FRYL: variants seen among roughly 807,000 people sequenced by gnomAD.
The protein encoded by FRYL is FRY like transcription coactivator.
A neutral mutation model predicts 351.2 loss-of-function variants in FRYL; 150 were observed. The ratio of observed to expected loss-of-function variants is 0.43; its 90% CI spans 0.37 to 0.49. The LOEUF (loss-of-function observed/expected upper bound fraction) is 0.49. Among genes scored for constraint, FRYL ranks in the 20% least tolerant of loss-of-function variants. FRYL has a pLI of 0.00. For synonymous variants in FRYL, 1,153 were observed against 1,257.1 expected (o/e 0.92, Z 1.75); for missense variants, 3,036 against 3,619.3 (o/e 0.84, Z 4.13).
chr4:48,686,448 C>T (rs1765159131), intron 2 of FRYL, among the ~76,000 whole-genome samples: 1 of 152,136 alleles, frequency 6.6e-6, no homozygotes, highest in Non-Finnish European at 1.5e-5. Context: ...AGTTAACAAT[C>T]CTGCCATAAT....
At chr4:48,630,343 G>C in intron 4 of FRYL, among the ~76,000 whole-genome samples, 1 of 152,036 alleles carries the variant, frequency 6.6e-6, no homozygotes, top group Non-Finnish European at 1.5e-5. Context: ...GACCATACAG[G>C]GAGAAGAAAC....
At chr4:48,717,395 G>A (rs1485845076) in intron 1 of FRYL, among the ~76,000 whole-genome samples, 4 of 151,616 alleles carry the variant, frequency 2.6e-5, no homozygotes, top group African/African-American at 7.3e-5. Context: ...GAGAAACCAC[G>A]TAAGTGGTTG....
intron 3 of FRYL, among the ~76,000 whole-genome samples, chr4:48,649,861 A>G (rs1488168794): frequency 1.3e-5 from 2 of 152,208 alleles, no homozygotes; most frequent in Admixed American, 1.3e-4. Context: ...TAACATTAAT[A>G]CAAAGCACGC....
chr4:48,654,047 A>T, intron 3 of FRYL: 1 of 548,416 alleles, frequency 1.8e-6, no homozygotes. Flanking sequence ...AGTGCCCAGA[A>T]GGACACCCTC....
intron 16 of FRYL, among the ~76,000 whole-genome samples, chr4:48,593,697 T>A (rs1744013081): frequency 6.6e-6 from 1 of 152,046 alleles, no homozygotes; most frequent in African/African-American, 2.4e-5. Flanking sequence ...TAAACACCAT[T>A]ATTTCACTCC....
At chr4:48,546,357 T>G (rs1731328786) in intron 41 of FRYL, 86 bp from the exon 42 acceptor site, 2 of 1,044,952 alleles carry the variant, frequency 1.9e-6, no homozygotes, top group Admixed American at 2.1e-5. Flanking sequence ...TTCCTTAGAC[T>G]CTATGGGACA....
At chr4:48,753,108 G>A (rs906571830) in intron 1 of FRYL, among the ~76,000 whole-genome samples, 1 of 152,134 alleles carries the variant, frequency 6.6e-6, no homozygotes, top group Non-Finnish European at 1.5e-5. Flanking sequence ...GGATTGCAGG[G>A]AAAGAAAATC....
rs780894705 is a variant in FRYL, at chr4:48,704,949, CAAAAAAA to C, written c.-204+5563_-204+5569del. On this transcript the variant is annotated intron_variant, in intron 2 of 63. Coordinates refer to ENST00000358350, the MANE Select transcript of FRYL (RefSeq NM_015030.2). Reference sequence around the variant, plus strand: ...GGGCAACAAGAGCGAGACTCCGTCTCAAAAAAAAAAAAAAAAAAAAAATTAGCCAGGC... The same window carrying C: ...GGGCAACAAGAGCGAGACTCCGTCTCAAAAAAAAAAAAAAATTAGCCAGGC... Among the ~76,000 whole-genome samples the C allele has an allele frequency of 2.8e-4, 14 of 50,726 alleles. No individual in the cohort carries two copies. The South Asian group carries it at 8.4e-3, about 30-fold the overall frequency. The allele number at this position is 50,726 out of a possible 152,430, so 33.3% of individuals were successfully genotyped here.
At chr4:48,691,643 A>G (rs138022555) in intron 2 of FRYL, among the ~76,000 whole-genome samples, 1 of 152,328 alleles carries the variant, frequency 6.6e-6, no homozygotes, top group East Asian at 1.9e-4. Context: ...AATAATGGTA[A>G]TATTTATTAA....
At chr4:48,747,280 A>G (rs1183948828) in intron 1 of FRYL, among the ~76,000 whole-genome samples, 2 of 152,192 alleles carry the variant, frequency 1.3e-5, no homozygotes, top group Non-Finnish European at 2.9e-5. Flanking sequence ...AAAGTGAGTG[A>G]TAAGGGGAAA....
Position 48,605,811 on chromosome 4 carries a change from TC to T in FRYL, c.763del (p.Glu255LysfsTer2). 1 of 1,601,728 alleles carries T rather than the reference TC, an allele frequency of 6.2e-7. No individual in the cohort carries two copies. The highest frequency in any genetic ancestry group is 8.6e-7 in the Non-Finnish European group (1 of 1,169,506). ...FMQECAQYFL[E>X]VKDKDIKHAL... is the part of the protein sequence containing the mutation. ...ATGTTTTATATCTTTATCTTTCACT[TC>T]TAAGAAATACTGAGCACATTCCTTA... On this transcript the variant is annotated frameshift_variant, in exon 11 of 64. Coordinates refer to ENST00000358350, the MANE Select transcript of FRYL (RefSeq NM_015030.2). LOFTEE classifies it high-confidence loss of function.
chr4:48,596,075 C>A, intron 13 of FRYL, 75 bp from the exon 14 acceptor site: 1 of 931,572 alleles, frequency 1.1e-6, no homozygotes, highest in African/African-American at 1.7e-5. Context: ...TCTCTGTCAA[C>A]AACTAAAAGC....
intron 1 of FRYL, among the ~76,000 whole-genome samples, chr4:48,711,114 T>G (rs1486623653): frequency 6.6e-6 from 1 of 152,130 alleles, no homozygotes; most frequent in Non-Finnish European, 1.5e-5. Context: ...ACAGCTCCGG[T>G]CTACAGCTCC....
rs375347641 is a variant in FRYL at position 48,540,621 on chromosome 4, A to T, written c.6027T>A (p.Ser2009=). ...CATATTCATAATCTGATTCTAATAA[A>T]GATGCTGCTATCCAAAAAATGGTGG... ...LMATIFWIAA[S]LLESDYEYEY... The change falls in exon 46 of 64, where the codon TCT becomes TCA. Residue 2009 remains serine, a synonymous_variant. Coordinates refer to ENST00000358350, the MANE Select transcript of FRYL (RefSeq NM_015030.2). 3 of 1,613,828 alleles carry T rather than the reference A, an allele frequency of 1.9e-6. No individual in the cohort carries two copies. Among genetic ancestry groups the T allele is most frequent in the Admixed American group, 1.7e-5 (1 of 59,962 alleles).
intron 3 of FRYL, among the ~76,000 whole-genome samples, chr4:48,647,767 G>A (rs1188601544): frequency 1.3e-5 from 2 of 152,114 alleles, no homozygotes; most frequent in Non-Finnish European, 2.9e-5. Context: ...AATTCACGTT[G>A]TTTACTTAAT....
Position 48,518,184 on chromosome 4 carries a change from G to C in FRYL, c.7689+2864C>G, listed in dbSNP as rs569179385. 2.6e-5 allele frequency among the ~76,000 whole-genome samples: 4 copies of C among 151,976 alleles called. No individual in the cohort carries two copies. In the South Asian group the frequency reaches 8.3e-4, roughly 32 times the overall value. On this transcript the variant is annotated intron_variant, in intron 55 of 63. Coordinates refer to ENST00000358350, the MANE Select transcript of FRYL (RefSeq NM_015030.2). ...TGTTACGGTGTATGGTGTGATCTAT[G>C]GTGTGATCCAAACTAGGCACTGTAG...
chr4:48,724,802 T>G (rs147467578), intron 1 of FRYL, among the ~76,000 whole-genome samples: 7 of 152,326 alleles, frequency 4.6e-5, no homozygotes, highest in African/African-American at 1.4e-4. Flanking sequence ...TAGAGTAGGG[T>G]AGAATAATAG....
intron 3 of FRYL, among the ~76,000 whole-genome samples, chr4:48,684,323 C>T (rs1764949103): frequency 6.6e-6 from 1 of 152,176 alleles, no homozygotes. Context: ...GCCTGCACTG[C>T]AGTTCAATTT....
At chr4:48,565,085 A>G in intron 29 of FRYL, 42 bp from the exon 30 acceptor site, 1 of 1,178,220 alleles carries the variant, frequency 8.5e-7, no homozygotes. Flanking sequence ...CAAATTTAAG[A>G]GGTTAAATGT....
Sources: gnomAD v4.1 joint callset for allele counts (sites outside exome capture counted in the v4.1 genomes callset) on GRCh38, gnomAD v4.1.1 for gene constraint, MANE v1.5 for transcripts, NCBI Gene and HGNC (gene_info 2026-07-23, HGNC 2026-07-21) for gene names.